XYLT2: variants seen among roughly 807,000 people sequenced by gnomAD.
The protein encoded by XYLT2 is xylosyltransferase 2.
Under a neutral mutation model 82.6 loss-of-function variants are expected in XYLT2, and 37 were observed. That is an observed-to-expected ratio of 0.45 (90% CI 0.34 to 0.59). The LOEUF is 0.59. Ranked by LOEUF, XYLT2 falls within the 20% of genes least tolerant of loss-of-function variation. The pLI, the probability that XYLT2 is intolerant of heterozygous loss-of-function variation, is 0.01. For missense variants in XYLT2, 934 were observed against 1,181.3 expected, an observed-to-expected ratio of 0.79 and a Z score of 3.07; for synonymous variants, 474 against 499.0, an observed-to-expected ratio of 0.95 and a Z score of 0.67.
At position 50,350,615 on chromosome 17, in the gene XYLT2, G is replaced by T. The variant is rs572945538; in HGVS notation, c.136-3015G>T. Among the ~76,000 whole-genome samples the T allele has an allele frequency of 2.6e-5, 4 of 152,230 alleles. No homozygotes were observed. The East Asian group carries it at 7.7e-4, about 29-fold the overall frequency. ...GTACTACAGCCAGACACTCTCCTAGGTGCTACGACTATGTCAGTGAACAAA... is the reference window on the plus strand; with the variant it reads ...GTACTACAGCCAGACACTCTCCTAGTTGCTACGACTATGTCAGTGAACAAA... On this transcript the variant is annotated intron_variant, in intron 1 of 10. Coordinates refer to ENST00000017003, the MANE Select transcript of XYLT2 (RefSeq NM_022167.4).
In XYLT2 at chr17:50,353,942, G is replaced by A. The variant is rs144474638; in HGVS notation, c.448G>A (p.Ala150Thr). The A allele has an allele frequency of 2.2e-4, 360 of 1,606,822 alleles. No individual in the cohort carries two copies. The highest frequency in any genetic ancestry group is 5.0e-4 in the Middle Eastern group (3 of 6,060). Residue 150 changes from alanine (A) to threonine (T), a missense_variant, in exon 2 of 11, where the codon GCC becomes ACC. By Grantham distance (58) the Ala-to-Thr change is moderately conservative. This residue lies in a region of XYLT2 where 371 missense variants were observed against 394.9 expected (regional missense o/e 0.94). Transcript: ENST00000017003. The part of the protein sequence containing the change: ...PHGDTGSVEG[A>T]PQPTDNGFTP... Reference sequence around the variant, plus strand: ...CGGAGATACAGGGAGCGTGGAGGGCGCCCCCCAGCCCACGGACAATGGCTT... The same window carrying A: ...CGGAGATACAGGGAGCGTGGAGGGCACCCCCCAGCCCACGGACAATGGCTT...
In XYLT2 at chr17:50,356,782, C is replaced by T. The variant is rs747829997; in HGVS notation, c.1745+9C>T. The stretch of plus-strand genomic sequence containing the variant: ...GGCACCCCACTCTGCAGGTGAGACC[C>T]CCTTCTGACATACAGCAGGCCCTTG... On this transcript the variant is annotated intron_variant, in intron 8 of 10. Coordinates refer to ENST00000017003, the MANE Select transcript of XYLT2 (RefSeq NM_022167.4). 1 of 1,597,016 alleles carries T rather than the reference C, an allele frequency of 6.3e-7. No individual in the cohort carries two copies. The highest frequency in any genetic ancestry group is 8.5e-7 in the Non-Finnish European group (1 of 1,176,442).
rs1912441555 is a variant in XYLT2, at chr17:50,354,822, T to C, written c.805-32T>C. ...GTGGGATTGGGGATGGCGATAACAC[T>C]GGAGGCTAGCTGAGTGTCTCCTCCC... On this transcript the variant is annotated intron_variant, in intron 3 of 10. Transcript: ENST00000017003. The C allele has an allele frequency of 3.1e-6, 5 of 1,610,398 alleles. No homozygotes were observed. In the East Asian group the frequency reaches 1.1e-4, roughly 36 times the overall value.
rs781089665 is a variant in XYLT2 at position 50,356,121 on chromosome 17, T to C, written c.1342T>C (p.Cys448Arg). 2 of 1,614,242 alleles carry C rather than the reference T, an allele frequency of 1.2e-6. No homozygotes were observed. Residue 448 changes from cysteine to arginine, a missense_variant, in exon 7 of 11, where the codon TGT becomes CGT. This residue lies in a region of XYLT2 where 189 missense variants were observed against 320.8 expected (regional missense o/e 0.59). Transcript: ENST00000017003. Reference sequence around the variant, plus strand: ...CACGGTGCTGGAGAACAGCCTGGCCTGTGAGACCCTCGTGGACAACAACCT... The same window carrying C: ...CACGGTGCTGGAGAACAGCCTGGCCCGTGAGACCCTCGTGGACAACAACCT... ...FHTVLENSLACETLVDNNLRV... is the reference protein window; with the variant it reads ...FHTVLENSLARETLVDNNLRV...
chr17:50,352,643 G>C (rs1912319532), intron 1 of XYLT2, among the ~76,000 whole-genome samples: 1 of 152,214 alleles, frequency 6.6e-6, no homozygotes, highest in Admixed American at 6.5e-5. Context: ...CTAGGGAAGT[G>C]CCTGGATTTG....
At chr17:50,354,205 G>T in intron 2 of XYLT2, 83 bp downstream of exon 2, 1 of 1,579,422 alleles carries the variant, frequency 6.3e-7, no homozygotes. Flanking sequence ...ATCTCTCTGA[G>T]GAAGAAAGAG....
chr17:50,354,926 C>T lies in XYLT2; in HGVS notation c.877C>T (p.Arg293Cys), dbSNP rs747171056. 1.6e-5 allele frequency: 25 copies of T among 1,603,298 alleles called. No homozygotes were observed. The highest frequency in any genetic ancestry group is 1.1e-4 in the South Asian group (10 of 89,018). Residue 293 changes from arginine (R) to cysteine (C), a missense_variant, in exon 4 of 11, where the codon CGC (arginine) becomes TGC (cysteine). Arg to Cys is a radical substitution (Grantham distance 180). Around this residue, in one of 3 missense-constraint regions of XYLT2, gnomAD observed 189 missense variants for 320.8 expected, o/e 0.59. Coordinates refer to ENST00000017003, the MANE Select transcript of XYLT2 (RefSeq NM_022167.4). The part of the protein sequence containing the change: ...GYDNVRVTPW[R>C]MVTIWGGASL... ...TGATAACGTGCGGGTGACGCCCTGG[C>T]GCATGGTTACCATCTGGGGCGGGGC...
At position 50,358,033 on chromosome 17, in the gene XYLT2, A is replaced by G. The variant is rs920736149; in HGVS notation, c.1942-174A>G. Reference sequence around the variant, plus strand: ...AATGGAAGCCTAGAACGAATCTCAGAGCTGGGAGAGATATTAAAGGTCTCC... The same window carrying G: ...AATGGAAGCCTAGAACGAATCTCAGGGCTGGGAGAGATATTAAAGGTCTCC... On this transcript the variant is annotated intron_variant, in intron 9 of 10. Coordinates refer to ENST00000017003, the MANE Select transcript of XYLT2 (RefSeq NM_022167.4). The G allele has an allele frequency of 8.0e-6, 5 of 623,210 alleles. No homozygotes were observed. In the South Asian group the frequency reaches 1.0e-4, roughly 13 times the overall value. 38.6% of individuals were successfully genotyped at this position (623,210 alleles called of 1,614,324 possible).
rs2143248769 is a variant in XYLT2 at position 50,360,285 on chromosome 17, C to T, written c.2592C>T (p.Leu864=). 1 of 1,586,700 alleles carries T rather than the reference C, an allele frequency of 6.3e-7. No individual in the cohort carries two copies. Among genetic ancestry groups the T allele is most frequent in the Admixed American group, 1.7e-5 (1 of 58,110 alleles). The change falls in exon 11 of 11, where the codon CTC becomes CTT. Residue 864 remains leucine, a synonymous_variant. Coordinates refer to ENST00000017003, the MANE Select transcript of XYLT2 (RefSeq NM_022167.4). ...GGCCTGTCAAAGCAGACGGGCGACTCAGGTAGCAGGGCCCCAGCCAGTACC... is the reference window on the plus strand; with the variant it reads ...GGCCTGTCAAAGCAGACGGGCGACTTAGGTAGCAGGGCCCCAGCCAGTACC... ...ELGPVKADGR[L]R
At position 50,353,762 on chromosome 17, in the gene XYLT2, G is replaced by A. The variant is rs1371408905; in HGVS notation, c.268G>A (p.Val90Met). 2 of 1,558,888 alleles carry A rather than the reference G, an allele frequency of 1.3e-6. No homozygotes were observed. Among genetic ancestry groups the A allele is most frequent in the East Asian group, 2.4e-5 (1 of 41,624 alleles). ...RWRGRAESPG[V>M]PVAKVVRAVT... ...GCGGGGCCGTGCTGAGAGCCCAGGA[G>A]TGCCCGTGGCCAAGGTGGTACGGGC... Residue 90 changes from valine to methionine, a missense_variant, in exon 2 of 11, where the codon GTG (valine) becomes ATG (methionine). Around this residue, in one of 3 missense-constraint regions of XYLT2, gnomAD observed 371 missense variants for 394.9 expected, o/e 0.94. Transcript: ENST00000017003.
Position 50,360,566 on chromosome 17 carries a change from TTTTTC to T in XYLT2, c.*280_*284del. 9.3e-7 allele frequency: 1 copy of T among 1,076,628 alleles called. No individual in the cohort carries two copies. The highest frequency in any genetic ancestry group is 1.1e-6 in the Non-Finnish European group (1 of 902,944). The allele number at this position is 1,076,628 out of a possible 1,614,324, so 66.7% of individuals were successfully genotyped here. A position where few individuals can be genotyped will look rare whatever the true frequency, so the allele number is the denominator to read the frequency against. On this transcript the variant is annotated 3_prime_UTR_variant, in exon 11 of 11. Transcript: ENST00000017003. ...CTTCCTGTCTAGTTTGAATTTCTTTTTTTTCTTTTTTTTTTTTTTTTTTTAATTTA... is the reference window on the plus strand; with the variant it reads ...CTTCCTGTCTAGTTTGAATTTCTTTTTTTTTTTTTTTTTTTTTTTAATTTA...
At position 50,360,688 on chromosome 17, in the gene XYLT2, G is replaced by A. The variant is rs1168157428; in HGVS notation, c.*397G>A. The A allele has an allele frequency of 2.0e-6, 2 of 999,818 alleles. No homozygotes were observed. The highest frequency in any genetic ancestry group is 2.1e-4 in the East Asian group (2 of 9,652). 61.9% of individuals were successfully genotyped at this position (999,818 alleles called of 1,614,324 possible). On this transcript the variant is annotated 3_prime_UTR_variant, in exon 11 of 11. Transcript: ENST00000017003. ...CCAGGAAGTGGGCCATGTCTGTGGG[G>A]AGCAGGGGCTTGCTGAGCCCACCTG...
At position 50,360,572 on chromosome 17, in the gene XYLT2, T is replaced by TG; in HGVS notation, c.*281_*282insG. On this transcript the variant is annotated 3_prime_UTR_variant, in exon 11 of 11. Transcript: ENST00000017003. ...GTCTAGTTTGAATTTCTTTTTTTTC[T>TG]TTTTTTTTTTTTTTTTTTAATTTAA... 6.2e-6 allele frequency: 2 copies of TG among 325,160 alleles called. No homozygotes were observed. The highest frequency in any genetic ancestry group is 2.3e-4 in the South Asian group (1 of 4,312). The allele number at this position is 325,160 out of a possible 1,614,324, so 20.1% of individuals were successfully genotyped here.
In XYLT2 at chr17:50,360,296, GC is replaced by G. The variant is rs1315312474; in HGVS notation, c.*9del. 2 of 1,558,778 alleles carry G rather than the reference GC, an allele frequency of 1.3e-6. No homozygotes were observed. The highest frequency in any genetic ancestry group is 1.7e-6 in the Non-Finnish European group (2 of 1,152,966). On this transcript the variant is annotated 3_prime_UTR_variant, in exon 11 of 11. Coordinates refer to ENST00000017003, the MANE Select transcript of XYLT2 (RefSeq NM_022167.4). Reference sequence around the variant, plus strand: ...GCAGACGGGCGACTCAGGTAGCAGGGCCCCAGCCAGTACCCGTGGAGGACCC... The same window carrying G: ...GCAGACGGGCGACTCAGGTAGCAGGGCCCAGCCAGTACCCGTGGAGGACCC...
At chr17:50,357,967 TC>T (rs1160914810) in intron 9 of XYLT2, 1 of 533,926 alleles carries the variant, frequency 1.9e-6, no homozygotes, top group Admixed American at 3.2e-5. Flanking sequence ...TGCCGTATTG[TC>T]CCCAATAAGG....
chr17:50,359,898 C>T, intron 10 of XYLT2, 71 bp from the exon 11 acceptor site: 1 of 1,399,508 alleles, frequency 7.1e-7, no homozygotes, highest in Non-Finnish European at 9.6e-7. Flanking sequence ...GTACCCAGAC[C>T]CAACTCCTGG....
chr17:50,350,621 C>G (rs72832442), intron 1 of XYLT2, among the ~76,000 whole-genome samples: 14,430 of 152,078 alleles, frequency 0.095, 737 homozygotes, highest in Middle Eastern at 0.17. Context: ...CTAGGTGCTA[C>G]GACTATGTCA....
At chr17:50,356,830 GCCAA>G (rs1912564199) in intron 8 of XYLT2, 57 bp downstream of exon 8, 1 of 1,553,152 alleles carries the variant, frequency 6.4e-7, no homozygotes, top group African/African-American at 1.4e-5. Context: ...CTAGGGGGAG[GCCAA>G]CCAGAGAGTG....
chr17:50,346,156 C>T lies in XYLT2; in HGVS notation c.16C>T (p.Arg6Ter). ...GGGCAGGAAGATGGTGGCGAGCGCG[C>T]GAGTGCAGAAGCTGGTGCGGCGCTA... The part of the protein sequence containing the change: MVASA[R>*]VQKLVRRYKL... Residue 6 changes from arginine (R) to a stop codon, truncating the protein, a stop_gained, in exon 1 of 11, where the codon CGA becomes TGA. Coordinates refer to ENST00000017003, the MANE Select transcript of XYLT2 (RefSeq NM_022167.4). LOFTEE classifies it high-confidence loss of function. The surrounding 1 kb of genome is among the most constrained non-coding windows in gnomAD (Gnocchi z 5.1). 2 of 1,269,466 alleles carry T rather than the reference C, an allele frequency of 1.6e-6. No individual in the cohort carries two copies. The highest frequency in any genetic ancestry group is 4.6e-5 in the East Asian group (1 of 21,760). The allele number at this position is 1,269,466 out of a possible 1,614,324, so 78.6% of individuals were successfully genotyped here.
Sources: gnomAD v4.1 joint callset for allele counts (sites outside exome capture counted in the v4.1 genomes callset) on GRCh38, gnomAD v4.1.1 for gene constraint, gnomAD v4.1.1 regional missense constraint, Gnocchi (gnomAD v3.1) non-coding constraint, MANE v1.5 for transcripts, NCBI Gene and HGNC (gene_info 2026-07-23, HGNC 2026-07-21) for gene names.